Variants in IQCM observed in about 807,000 individuals in gnomAD.
IQCM encodes the protein IQ domain-containing protein M.
A neutral mutation model predicts 57.6 loss-of-function variants in IQCM; 45 were observed. That is an observed-to-expected ratio of 0.78 (90% CI 0.62 to 1.00). The LOEUF is 1.00. Ranked by LOEUF, IQCM falls within the 50% of genes least tolerant of loss-of-function variation. The probability of loss-of-function intolerance (pLI) is 0.00; values close to 1 mark genes in which losing one functional copy is unlikely to be tolerated. For synonymous variants in IQCM, 148 were observed against 158.9 expected (o/e 0.93, Z 0.51); for missense variants, 468 against 511.6 (o/e 0.91, Z 0.82).
chr4:149,642,274 T>C (rs191549155), intron 7 of IQCM, among the ~76,000 whole-genome samples: 10 of 152,312 alleles, frequency 6.6e-5, no homozygotes, highest in Admixed American at 4.6e-4. Flanking sequence ...AAAAGATTCA[T>C]ATATATGAAA....
chr4:149,408,569 C>A (rs963873477), intron 13 of IQCM, among the ~76,000 whole-genome samples: 1 of 152,104 alleles, frequency 6.6e-6, no homozygotes, highest in Non-Finnish European at 1.5e-5. Context: ...GGTACTATAA[C>A]AACAGGAGGT....
rs115282929 is a variant in IQCM at position 149,728,979 on chromosome 4, C to T, written c.385+4265G>A. On this transcript the variant is annotated intron_variant, in intron 5 of 13. Coordinates refer to ENST00000636793, the MANE Select transcript of IQCM (RefSeq NM_001363507.2). ...CAAGTACAGAAGATATCTCCATCTT[C>T]CCCAAAGCATATAGCATACAGTAAT... Among the ~76,000 whole-genome samples the T allele has an allele frequency of 2.5e-3, 384 of 152,284 alleles. 1 individual carries two copies. Among genetic ancestry groups the T allele is most frequent in the African/African-American group, 7.3e-3 (305 of 41,562 alleles).
chr4:149,563,472 G>A (rs1311058384), intron 10 of IQCM, among the ~76,000 whole-genome samples: 1 of 151,996 alleles, frequency 6.6e-6, no homozygotes, highest in Non-Finnish European at 1.5e-5. Flanking sequence ...TGTAATCCCA[G>A]CTACTCAGGA....
intron 5 of IQCM, among the ~76,000 whole-genome samples, chr4:149,693,465 T>C (rs944618680): frequency 1.3e-5 from 2 of 152,072 alleles, no homozygotes; most frequent in African/African-American, 4.8e-5. Flanking sequence ...CACTATTCAC[T>C]CTCCCTCAAT....
intron 7 of IQCM, among the ~76,000 whole-genome samples, chr4:149,652,208 A>G (rs776001885): frequency 1.1e-4 from 17 of 152,140 alleles, no homozygotes; most frequent in Non-Finnish European, 1.9e-4. Flanking sequence ...GGAACAGCAA[A>G]CACTTCATGT....
chr4:149,722,354 CAT>C (rs1466924851), intron 5 of IQCM, among the ~76,000 whole-genome samples: 1 of 151,978 alleles, frequency 6.6e-6, no homozygotes, highest in Non-Finnish European at 1.5e-5. Flanking sequence ...AGAATTTACT[CAT>C]AAATTATTTG....
chr4:149,353,580 A>G (rs1728722776), intron 13 of IQCM, among the ~76,000 whole-genome samples: 1 of 152,226 alleles, frequency 6.6e-6, no homozygotes, highest in Non-Finnish European at 1.5e-5. Flanking sequence ...TAGCATATAT[A>G]TACAATGGAA....
Position 149,658,735 on chromosome 4 carries a change from A to G in IQCM, c.565+23383T>C, listed in dbSNP as rs184052631. On this transcript the variant is annotated intron_variant, in intron 7 of 13. Transcript: ENST00000636793. ...TATTTCTAGGTATCTTAATTTTTTT[A>G]TAGCTATCATGGAATTGTTTCCTTG... Among the ~76,000 whole-genome samples the G allele has an allele frequency of 4.6e-5, 7 of 152,114 alleles. No individual in the cohort carries two copies. In the East Asian group the frequency reaches 1.4e-3, roughly 29 times the overall value.
At chr4:149,538,015 T>G (rs1265582306) in intron 12 of IQCM, among the ~76,000 whole-genome samples, 1 of 151,476 alleles carries the variant, frequency 6.6e-6, no homozygotes, top group East Asian at 1.9e-4. Context: ...ATCGTAAATG[T>G]ATTTATATAT....
chr4:149,446,037 TA>T (rs1463542622), intron 12 of IQCM, among the ~76,000 whole-genome samples: 1 of 151,820 alleles, frequency 6.6e-6, no homozygotes, highest in African/African-American at 2.4e-5. Context: ...TATTTTATCT[TA>T]CTTTCAGATA....
chr4:149,732,648 C>T (rs543289800), intron 5 of IQCM, among the ~76,000 whole-genome samples: 11 of 151,932 alleles, frequency 7.2e-5, no homozygotes, highest in East Asian at 3.9e-4. Context: ...TTAGAAATAA[C>T]GTAAGAGGAA....
chr4:149,431,698 G>A (rs994456179), intron 13 of IQCM, among the ~76,000 whole-genome samples: 12 of 151,820 alleles, frequency 7.9e-5, no homozygotes, highest in Non-Finnish European at 1.3e-4. Flanking sequence ...GTTCCCATAG[G>A]TTTGCTTTTT....
chr4:149,587,845 C>G, intron 9 of IQCM, 85 bp downstream of exon 9: 1 of 555,920 alleles, frequency 1.8e-6, no homozygotes. Flanking sequence ...CTTCCTTAAA[C>G]CTAGTTATTA....
chr4:149,372,844 T>C, intron 13 of IQCM, among the ~76,000 whole-genome samples: 1 of 152,290 alleles, frequency 6.6e-6, no homozygotes, highest in Middle Eastern at 3.4e-3. Flanking sequence ...AGAATTTTTA[T>C]CACTTGGCAT....
chr4:149,446,710 T>G (rs2111371383), intron 12 of IQCM, among the ~76,000 whole-genome samples: 1 of 151,664 alleles, frequency 6.6e-6, no homozygotes, highest in Non-Finnish European at 1.5e-5. Context: ...AAATTATACA[T>G]ATATATGTAT....
At chr4:149,795,990 A>C (rs2150039188) in intron 2 of IQCM, among the ~76,000 whole-genome samples, 1 of 152,342 alleles carries the variant, frequency 6.6e-6, no homozygotes, top group African/African-American at 2.4e-5. Context: ...GGTGAGACTC[A>C]GAACATTGCC....
chr4:149,803,434 C>T (rs1044283864), intron 2 of IQCM, among the ~76,000 whole-genome samples: 1 of 151,912 alleles, frequency 6.6e-6, no homozygotes, highest in Non-Finnish European at 1.5e-5. Context: ...TTTATTCAAC[C>T]TCATTGAGCC....
intron 2 of IQCM, among the ~76,000 whole-genome samples, chr4:149,796,104 C>T (rs1656322322): frequency 6.6e-6 from 1 of 152,086 alleles, no homozygotes; most frequent in South Asian, 2.1e-4. Flanking sequence ...CCAAGTGGGG[C>T]CATGAGGTAT....
At chr4:149,788,271 T>G (rs555481628) in intron 2 of IQCM, among the ~76,000 whole-genome samples, 1 of 152,152 alleles carries the variant, frequency 6.6e-6, no homozygotes, top group African/African-American at 2.4e-5. Flanking sequence ...GAGGCAGAGG[T>G]TGCAGTGAGC....
Sources: gnomAD v4.1 joint callset for allele counts (sites outside exome capture counted in the v4.1 genomes callset) on GRCh38, gnomAD v4.1.1 for gene constraint, MANE v1.5 for transcripts, NCBI Gene and HGNC (gene_info 2026-07-23, HGNC 2026-07-21) for gene names.